The following TEKT3 variants were observed in gnomAD, a reference collection of about 807,000 sequenced individuals.
TEKT3 encodes the protein tektin-3.
A neutral mutation model predicts 49.8 loss-of-function variants in TEKT3; 49 were observed. The observed-to-expected ratio is 0.98, with a 90% CI of 0.78 to 1.25. TEKT3 has a LOEUF of 1.25. TEKT3 is among the 50% of genes most tolerant of loss of function. The pLI is 0.00. For synonymous variants in TEKT3, 225 were observed against 237.2 expected (o/e 0.95, Z 0.47); for missense variants, 595 against 629.5 (o/e 0.95, Z 0.59).
At chr17:15,307,624 T>A (rs1372399981) in intron 8 of TEKT3, among the ~76,000 whole-genome samples, 1 of 152,196 alleles carries the variant, frequency 6.6e-6, no homozygotes, top group Admixed American at 6.5e-5. Flanking sequence ...AAATCCACTG[T>A]CTCAAACCAC....
intron 4 of TEKT3, among the ~76,000 whole-genome samples, chr17:15,327,494 C>T (rs1405820326): frequency 2.7e-5 from 4 of 149,052 alleles, no homozygotes; most frequent in African/African-American, 5.0e-5. Flanking sequence ...CCAGCCTGGG[C>T]GATAAGAGCA....
At chr17:15,309,034 C>T (rs541776206) in intron 7 of TEKT3, among the ~76,000 whole-genome samples, 7 of 152,174 alleles carry the variant, frequency 4.6e-5, no homozygotes, top group East Asian at 3.9e-4. Context: ...GAGTGGGCGG[C>T]GCCTCTCTCC....
At chr17:15,322,249 A>G (rs1911299827) in intron 4 of TEKT3, among the ~76,000 whole-genome samples, 1 of 152,218 alleles carries the variant, frequency 6.6e-6, no homozygotes, top group African/African-American at 2.4e-5. Context: ...AAATGTTAAC[A>G]AAAGCCACAA....
At chr17:15,316,752 C>T (rs1911030132) in intron 5 of TEKT3, among the ~76,000 whole-genome samples, 1 of 152,174 alleles carries the variant, frequency 6.6e-6, no homozygotes, top group Non-Finnish European at 1.5e-5. Flanking sequence ...CCCGTCTTTC[C>T]AGGCTGTCCG....
chr17:15,313,286 T>G (rs1467976477), intron 6 of TEKT3, among the ~76,000 whole-genome samples: 1 of 152,156 alleles, frequency 6.6e-6, no homozygotes, highest in Non-Finnish European at 1.5e-5. Context: ...ACTGCGTGCA[T>G]TGTATGGTAT....
Position 15,314,144 on chromosome 17 carries a change from A to G in TEKT3, c.821T>C (p.Leu274Pro), listed in dbSNP as rs1597660741. The change falls in exon 6 of 9, where the codon CTG becomes CCG. Residue 274 changes from leucine to proline, a missense_variant. Coordinates refer to ENST00000395930, the MANE Select transcript of TEKT3 (RefSeq NM_031898.3). ...GCCGACACCGTCTGATGTGTTGCGCAGGTGGTGGCATTTGTCGTCGATCCG... is the reference window on the plus strand; with the variant it reads ...GCCGACACCGTCTGATGTGTTGCGCGGGTGGTGGCATTTGTCGTCGATCCG... ...AYRIDDKCHH[L>P]RNTSDGVGYF... The G allele has an allele frequency of 2.5e-6, 4 of 1,614,178 alleles. No homozygotes were observed. The highest frequency in any genetic ancestry group is 3.4e-6 in the Non-Finnish European group (4 of 1,180,040).
chr17:15,303,908 G>A lies in TEKT3; in HGVS notation c.*28C>T, dbSNP rs767226877. On this transcript the variant is annotated 3_prime_UTR_variant, in exon 9 of 9. Transcript: ENST00000395930. ...TGCTCTGGCTCAGCCTTAACTTAGG[G>A]GTATCAAAACCACACCCGGTGGGGT... 6.2e-6 allele frequency: 10 copies of A among 1,605,268 alleles called. No homozygotes were observed. The East Asian group carries it at 1.3e-4, about 21-fold the overall frequency.
At chr17:15,324,413 A>G (rs768938122) in intron 4 of TEKT3, among the ~76,000 whole-genome samples, 3 of 152,128 alleles carry the variant, frequency 2.0e-5, no homozygotes, top group Non-Finnish European at 2.9e-5. Context: ...TCCATGCACA[A>G]ATTTTTGTTT....
intron 3 of TEKT3, among the ~76,000 whole-genome samples, chr17:15,329,062 G>A (rs943690071): frequency 9.2e-5 from 14 of 152,082 alleles, no homozygotes; most frequent in African/African-American, 3.4e-4. Flanking sequence ...TGCTTCCCAG[G>A]AAATTTCTAC....
chr17:15,312,873 G>A (rs555289475), intron 6 of TEKT3, among the ~76,000 whole-genome samples: 1 of 152,318 alleles, frequency 6.6e-6, no homozygotes, highest in South Asian at 2.1e-4. Flanking sequence ...AGCAGGAGTA[G>A]AGAGAATGAT....
At chr17:15,342,081 C>G (rs1031700319), upstream of TEKT3, among the ~76,000 whole-genome samples, 2 of 152,194 alleles carry the variant, frequency 1.3e-5, no homozygotes, top group Non-Finnish European at 2.9e-5. Context: ...CTTCCTCACT[C>G]TAAGAAAATG....
intron 2 of TEKT3, among the ~76,000 whole-genome samples, chr17:15,331,859 T>C (rs975070035): frequency 2.6e-5 from 4 of 152,184 alleles, no homozygotes; most frequent in African/African-American, 9.7e-5. Context: ...TTTTGAATTT[T>C]TGTGAAAATT....
At chr17:15,312,648 T>C (rs188433970) in intron 6 of TEKT3, among the ~76,000 whole-genome samples, 167 bp from the exon 7 acceptor site, 1 of 152,358 alleles carries the variant, frequency 6.6e-6, no homozygotes, top group Admixed American at 6.5e-5. Context: ...TTTCCTTAAT[T>C]ATTCCTTATT....
rs1910467978 is a variant in TEKT3 at position 15,304,629 on chromosome 17, CATAATAAGAA to C, written c.1257-487_1257-478del. On this transcript the variant is annotated intron_variant, in intron 8 of 8. Transcript: ENST00000395930. This position sits in a 1 kb window ranked among gnomAD's most constrained non-coding sequence, Gnocchi z 4.7. ...GAAGGAAATTCAGCGCTTCAGTGGC[CATAATAAGAA>C]ACTGGGTCCCATTTCCTGGCCCCAT... Among the ~76,000 whole-genome samples, 1 of 152,158 alleles carries C rather than the reference CATAATAAGAA, an allele frequency of 6.6e-6. No individual in the cohort carries two copies. The highest frequency in any genetic ancestry group is 1.5e-5 in the Non-Finnish European group (1 of 68,032).
intron 2 of TEKT3, among the ~76,000 whole-genome samples, chr17:15,332,151 C>G (rs1255431688): frequency 6.6e-6 from 1 of 152,038 alleles, no homozygotes; most frequent in African/African-American, 2.4e-5. Context: ...TGAGATCGCA[C>G]CACTGCACTC....
upstream of TEKT3, chr17:15,341,610 A>T (rs396445): frequency 0.11 from 16,698 of 152,236 alleles, 1,125 homozygotes; most frequent in East Asian, 0.22. Flanking sequence ...GGCCCAGACC[A>T]GTCTGGCCCT....
At chr17:15,306,190 C>G (rs1359214393) in intron 8 of TEKT3, among the ~76,000 whole-genome samples, 1 of 151,476 alleles carries the variant, frequency 6.6e-6, no homozygotes, top group East Asian at 1.9e-4. Context: ...TGGCCTGCCA[C>G]CAAAAATGCC....
Position 15,304,148 on chromosome 17 carries a change from C to G in TEKT3, c.1261G>C (p.Val421Leu). 6.2e-7 allele frequency: 1 copy of G among 1,614,160 alleles called. No homozygotes were observed. The highest frequency in any genetic ancestry group is 8.5e-7 in the Non-Finnish European group (1 of 1,180,028). The change falls in exon 9 of 9, where the codon GTT (valine) becomes CTT (leucine). Residue 421 changes from valine (V) to leucine (L), a missense_variant. Val to Leu is a conservative substitution (Grantham distance 32). Transcript: ENST00000395930. The surrounding 1 kb of genome is among the most constrained non-coding windows in gnomAD (Gnocchi z 4.7). ...LCRDMAQLRL[V>L]NEVHEVDDTI... The stretch of plus-strand genomic sequence containing the variant: ...TCGTCAACCTCGTGTACCTCGTTAA[C>G]AAGGCTGCAGCATAAAGGAATCAGC...
Position 15,331,293 on chromosome 17 carries a change from T to A in TEKT3, c.293A>T (p.Asp98Val). Residue 98 changes from aspartate (D) to valine (V), a missense_variant, in exon 3 of 9, where the codon GAC (aspartate) becomes GTC (valine). By Grantham distance (152) the Asp-to-Val change is radical. Coordinates refer to ENST00000395930, the MANE Select transcript of TEKT3 (RefSeq NM_031898.3). ...GTTGGTTAAATTGGACCTGTACCAG[T>A]CATCCGGTGTGTATCTTGTGAAGAA... ...TTFFTRYTPD[D>V]WYRSNLTNYQ... 6.2e-7 allele frequency: 1 copy of A among 1,614,220 alleles called. No individual in the cohort carries two copies. The highest frequency in any genetic ancestry group is 8.5e-7 in the Non-Finnish European group (1 of 1,180,046).
Sources: allele counts gnomAD v4.1 joint callset (sites outside exome capture counted in the v4.1 genomes callset), GRCh38; gene constraint gnomAD v4.1.1; non-coding constraint Gnocchi (gnomAD v3.1); transcripts MANE v1.5; gene names NCBI Gene and HGNC (gene_info 2026-07-23, HGNC 2026-07-21).